Variants in MMP16 observed in about 807,000 individuals in gnomAD.
MMP16 encodes the protein matrix metalloproteinase-16.
A neutral mutation model predicts 67.8 loss-of-function variants in MMP16; 12 were observed. The observed-to-expected ratio is 0.18, with a 90% confidence interval of 0.11 to 0.29. The LOEUF (loss-of-function observed/expected upper bound fraction) is 0.29, where lower values mean the gene tolerates loss of function less well. MMP16 is among the 10% of genes least tolerant of loss of function. MMP16 has a pLI of 1.00. For missense variants in MMP16, 475 were observed against 765.7 expected, an observed-to-expected ratio of 0.62 and a Z score of 4.48; for synonymous variants, 249 against 255.9, an observed-to-expected ratio of 0.97 and a Z score of 0.26.
chr8:88,162,442 G>A (rs1808643017), intron 4 of MMP16, among the ~76,000 whole-genome samples: 1 of 152,072 alleles, frequency 6.6e-6, no homozygotes, highest in Non-Finnish European at 1.5e-5. Context: ...TAAGAAAAAT[G>A]TAGTAGAGTT....
intron 1 of MMP16, among the ~76,000 whole-genome samples, chr8:88,214,184 C>T (rs903014009): frequency 1.3e-5 from 2 of 152,136 alleles, no homozygotes; most frequent in African/African-American, 4.8e-5. Context: ...TTCCAGCAAA[C>T]ATTTACATCC....
At chr8:88,098,746 C>T (rs1455009911) in intron 6 of MMP16, among the ~76,000 whole-genome samples, 1 of 151,742 alleles carries the variant, frequency 6.6e-6, no homozygotes, top group East Asian at 2.0e-4. Flanking sequence ...CATCTGACAC[C>T]TATCAAAGAA....
intron 4 of MMP16, among the ~76,000 whole-genome samples, chr8:88,166,538 A>C (rs1808713372): frequency 6.6e-6 from 1 of 151,312 alleles, no homozygotes; most frequent in Admixed American, 6.6e-5. Context: ...TGTAAGGATT[A>C]GAAAACTGAT....
chr8:88,141,806 T>C (rs2118502950), intron 4 of MMP16, among the ~76,000 whole-genome samples: 1 of 152,250 alleles, frequency 6.6e-6, no homozygotes, highest in East Asian at 1.9e-4. Flanking sequence ...AAAAACAACA[T>C]AACAACATAT....
chr8:88,169,850 A>G (rs761455197), intron 3 of MMP16, among the ~76,000 whole-genome samples: 1 of 152,180 alleles, frequency 6.6e-6, no homozygotes, highest in Admixed American at 6.6e-5. Flanking sequence ...GCCACTCTAA[A>G]TAGAGTTTGG....
intron 6 of MMP16, among the ~76,000 whole-genome samples, chr8:88,107,530 G>A (rs1809263212): frequency 6.6e-6 from 1 of 150,824 alleles, no homozygotes; most frequent in African/African-American, 2.4e-5. Flanking sequence ...ATTTTCTCCT[G>A]AGTAGTGGAA....
intron 6 of MMP16, among the ~76,000 whole-genome samples, chr8:88,106,896 T>C (rs1809251635): frequency 6.6e-6 from 1 of 151,208 alleles, no homozygotes; most frequent in East Asian, 1.9e-4. Context: ...TGTAGAAATG[T>C]CTATATTAAA....
chr8:88,074,426 G>A (rs1168734469), intron 7 of MMP16, among the ~76,000 whole-genome samples, 179 bp downstream of exon 7: 4 of 151,724 alleles, frequency 2.6e-5, no homozygotes, highest in Non-Finnish European at 5.9e-5. Context: ...TGAGAATACC[G>A]TATGAGAACA....
At chr8:88,185,703 G>A (rs1809062122) in intron 3 of MMP16, among the ~76,000 whole-genome samples, 1 of 151,992 alleles carries the variant, frequency 6.6e-6, no homozygotes, top group African/African-American at 2.4e-5. Flanking sequence ...TCCTTCCTAT[G>A]GGTCTTAGTT....
At chr8:88,263,964 G>C (rs1775890777) in intron 1 of MMP16, among the ~76,000 whole-genome samples, 1 of 120,218 alleles carries the variant, frequency 8.3e-6, no homozygotes. Context: ...CATATATAGA[G>C]AGAGAGAGAA....
At chr8:88,091,492 G>T (rs1361210920) in intron 6 of MMP16, among the ~76,000 whole-genome samples, 2 of 151,556 alleles carry the variant, frequency 1.3e-5, no homozygotes, top group African/African-American at 4.8e-5. Flanking sequence ...CACAGAGGAA[G>T]GAACAGTATT....
At chr8:88,198,961 T>A (rs925912885) in intron 1 of MMP16, among the ~76,000 whole-genome samples, 1 of 152,044 alleles carries the variant, frequency 6.6e-6, no homozygotes, top group Non-Finnish European at 1.5e-5. Flanking sequence ...AGGCAGGCAA[T>A]ATTATTTAAT....
At chr8:88,108,713 T>A (rs1432559717) in intron 6 of MMP16, among the ~76,000 whole-genome samples, 2 of 151,390 alleles carry the variant, frequency 1.3e-5, no homozygotes, top group Non-Finnish European at 3.0e-5. Context: ...TAAGTTAGAA[T>A]CTTAAAGTGT....
intron 4 of MMP16, among the ~76,000 whole-genome samples, chr8:88,159,884 G>C (rs1268359012): frequency 2.0e-5 from 3 of 151,948 alleles, no homozygotes; most frequent in African/African-American, 4.8e-5. Flanking sequence ...CATCTATTGA[G>C]ATAATCATGC....
intron 4 of MMP16, among the ~76,000 whole-genome samples, chr8:88,141,305 T>A (rs2118501841): frequency 6.6e-6 from 1 of 152,272 alleles, no homozygotes; most frequent in African/African-American, 2.4e-5. Context: ...ACAAAACACA[T>A]ACAATGGAGT....
intron 8 of MMP16, among the ~76,000 whole-genome samples, chr8:88,051,585 AAT>A (rs2118214023): frequency 6.6e-6 from 1 of 152,282 alleles, no homozygotes; most frequent in Non-Finnish European, 1.5e-5. Flanking sequence ...AGAAAATATC[AAT>A]ATATCAGTTT....
At chr8:88,184,622 C>G (rs1250083968) in intron 3 of MMP16, among the ~76,000 whole-genome samples, 14 of 138,842 alleles carry the variant, frequency 1.0e-4, no homozygotes, top group Non-Finnish European at 2.0e-4. Context: ...TCGTGCACAC[C>G]TATAATCCCA....
At chr8:88,057,011 C>T (rs917927839) in intron 7 of MMP16, among the ~76,000 whole-genome samples, 2 of 152,044 alleles carry the variant, frequency 1.3e-5, no homozygotes, top group African/African-American at 4.8e-5. Flanking sequence ...TCCCTGTGCC[C>T]CTGGCTGACT....
At position 88,113,066 on chromosome 8, in the gene MMP16, G is replaced by T. The variant is rs1387274990; in HGVS notation, c.1083+3441C>A. Among the ~76,000 whole-genome samples the T allele has an allele frequency of 3.3e-5, 5 of 151,776 alleles. No homozygotes were observed. In the Admixed American group the frequency reaches 3.3e-4, roughly 10 times the overall value. The stretch of plus-strand genomic sequence containing the variant: ...TCGTATAAAAATAATATTGGTCACA[G>T]TTTGATTATGCATTTCTTACAATGA... On this transcript the variant is annotated intron_variant, in intron 6 of 9. Transcript: ENST00000286614.
Sources: gnomAD v4.1 joint callset for allele counts (sites outside exome capture counted in the v4.1 genomes callset) on GRCh38, gnomAD v4.1.1 for gene constraint, MANE v1.5 for transcripts, NCBI Gene and HGNC (gene_info 2026-07-23, HGNC 2026-07-21) for gene names.